The following FNBP1L variants were observed in gnomAD, a reference collection of about 807,000 sequenced individuals.
The protein encoded by FNBP1L is formin-binding protein 1-like.
In FNBP1L, 36 loss-of-function variants were observed where a neutral mutation model predicts 91.2. The ratio of observed to expected loss-of-function variants is 0.39; its 90% confidence interval spans 0.30 to 0.52. The LOEUF is 0.52. FNBP1L is among the 20% of genes least tolerant of loss of function. The pLI is 0.66. For missense variants in FNBP1L, 571 were observed against 732.1 expected (o/e 0.78, Z 2.54); for synonymous variants, 242 against 237.0 (o/e 1.02, Z -0.19).
At chr1:93,514,181 A>T (rs1670978951) in intron 2 of FNBP1L, among the ~76,000 whole-genome samples, 1 of 152,250 alleles carries the variant, frequency 6.6e-6, no homozygotes, top group African/African-American at 2.4e-5. Flanking sequence ...TTCAAAGGGA[A>T]TAAAATACCT....
At chr1:93,477,987 A>G (rs1277796365) in intron 1 of FNBP1L, among the ~76,000 whole-genome samples, 3 of 152,220 alleles carry the variant, frequency 2.0e-5, no homozygotes, top group Non-Finnish European at 2.9e-5. Context: ...TATTTTTTAA[A>G]ATGTCTGGAA....
rs770017151 is a variant in FNBP1L, at chr1:93,448,200, C to G, written c.-82C>G. The G allele has an allele frequency of 1.0e-4, 150 of 1,498,408 alleles. No homozygotes were observed. The highest frequency in any genetic ancestry group is 1.2e-4 in the Non-Finnish European group (133 of 1,117,876). 92.8% of individuals were successfully genotyped at this position (1,498,408 alleles called of 1,614,324 possible). The stretch of plus-strand genomic sequence containing the variant: ...ACCCGCTGAGCTGCTAGCCCGCCGG[C>G]CAGCGAGTGAGAGGTCGGACAGACT... On this transcript the variant is annotated 5_prime_UTR_variant, in exon 1 of 17. Coordinates refer to ENST00000271234, the MANE Select transcript of FNBP1L (RefSeq NM_001164473.3).
At position 93,532,952 on chromosome 1, in the gene FNBP1L, A is replaced by T. The variant is rs374671121; in HGVS notation, c.670A>T (p.Ile224Phe). 28 of 1,611,692 alleles carry T rather than the reference A, an allele frequency of 1.7e-5. No individual in the cohort carries two copies. The highest frequency in any genetic ancestry group is 2.1e-5 in the Non-Finnish European group (25 of 1,178,654). The change falls in exon 8 of 17, where the codon ATT (isoleucine) becomes TTT (phenylalanine). Residue 224 changes from isoleucine (I) to phenylalanine (F), a missense_variant. Ile to Phe is a conservative substitution (Grantham distance 21). Transcript: ENST00000271234. ...ACAAGAAATGGACGAACGAAGGACT[A>T]TTAAACTCAGTGAGTGTTACAGAGG... ...QLQEMDERRT[I>F]KLSECYRGFA... is the part of the protein sequence containing the mutation.
intron 1 of FNBP1L, among the ~76,000 whole-genome samples, chr1:93,456,260 T>A (rs1323528446): frequency 6.6e-6 from 1 of 152,216 alleles, no homozygotes; most frequent in African/African-American, 2.4e-5. Flanking sequence ...AATTGGGGCA[T>A]TTTTTCCTTA....
In FNBP1L at chr1:93,529,742, G is replaced by A. The variant is rs1001627887; in HGVS notation, c.496G>A (p.Ala166Thr). The A allele has an allele frequency of 4.0e-6, 6 of 1,516,254 alleles. No homozygotes were observed. The highest frequency in any genetic ancestry group is 4.8e-5 in the Admixed American group (2 of 41,498). 93.9% of individuals were successfully genotyped at this position (1,516,254 alleles called of 1,614,324 possible). A position where few individuals can be genotyped will look rare whatever the true frequency, so the allele number is the denominator to read the frequency against. ...GGATAATGATACTAATGCAACCAAGGCAGATGTTGAAAAGGTAAGAAATAC... is the reference window on the plus strand; with the variant it reads ...GGATAATGATACTAATGCAACCAAGACAGATGTTGAAAAGGTAAGAAATAC... ...RLDNDTNATKADVEKAKQQLN... is the reference protein window; with the variant it reads ...RLDNDTNATKTDVEKAKQQLN... The change falls in exon 6 of 17, where the codon GCA becomes ACA. Residue 166 changes from alanine to threonine, a missense_variant. Ala to Thr is a moderately conservative substitution (Grantham distance 58, BLOSUM62 0). Around this residue, in one of 5 missense-constraint regions of FNBP1L, gnomAD observed 220 missense variants for 313.6 expected, o/e 0.70. Coordinates refer to ENST00000271234, the MANE Select transcript of FNBP1L (RefSeq NM_001164473.3).
chr1:93,553,438 A>G lies in FNBP1L; in HGVS notation c.*1022A>G, dbSNP rs1400048658. On this transcript the variant is annotated 3_prime_UTR_variant, in exon 17 of 17. Coordinates refer to ENST00000271234, the MANE Select transcript of FNBP1L (RefSeq NM_001164473.3). ...TGTAGCCTCGGTAGGTGGCTATTAGAGCTCTACCATATACAGTGGTGCATC... is the reference window on the plus strand; with the variant it reads ...TGTAGCCTCGGTAGGTGGCTATTAGGGCTCTACCATATACAGTGGTGCATC... 4 of 152,660 alleles carry G rather than the reference A, an allele frequency of 2.6e-5. No homozygotes were observed. The highest frequency in any genetic ancestry group is 4.4e-5 in the Non-Finnish European group (3 of 68,052). The allele number at this position is 152,660 out of a possible 1,614,324, so 9.5% of individuals were successfully genotyped here.
At chr1:93,536,311 C>T (rs774487530) in intron 9 of FNBP1L, 21 bp from the exon 10 acceptor site, 1 of 1,424,058 alleles carries the variant, frequency 7.0e-7, no homozygotes, top group South Asian at 1.6e-5. Flanking sequence ...TTATTGATTC[C>T]TTTCTTTATT....
At chr1:93,549,045 G>A (rs1365247355) in intron 14 of FNBP1L, among the ~76,000 whole-genome samples, 1 of 152,098 alleles carries the variant, frequency 6.6e-6, no homozygotes, top group Non-Finnish European at 1.5e-5. Context: ...AATACTTTGT[G>A]CCTAGAATAT....
At position 93,521,015 on chromosome 1, in the gene FNBP1L, C is replaced by G. The variant is rs547162585; in HGVS notation, c.141-1067C>G. Among the ~76,000 whole-genome samples the G allele has an allele frequency of 2.0e-5, 3 of 152,000 alleles. No homozygotes were observed. In the South Asian group the frequency reaches 6.3e-4, roughly 32 times the overall value. The stretch of plus-strand genomic sequence containing the variant: ...TGAGATCGCCCCACTGCACTCCAGC[C>G]TGGGCGACACAGTGAGACTCCATCT... On this transcript the variant is annotated intron_variant, in intron 2 of 16. Coordinates refer to ENST00000271234, the MANE Select transcript of FNBP1L (RefSeq NM_001164473.3).
chr1:93,479,793 G>A (rs1279890455), intron 1 of FNBP1L, among the ~76,000 whole-genome samples: 1 of 152,092 alleles, frequency 6.6e-6, no homozygotes, highest in Non-Finnish European at 1.5e-5. Context: ...CCTGAAAATC[G>A]CTGTTATTCT....
intron 1 of FNBP1L, among the ~76,000 whole-genome samples, chr1:93,479,354 T>C: frequency 6.6e-6 from 1 of 152,108 alleles, no homozygotes; most frequent in South Asian, 2.1e-4. Flanking sequence ...AGGGCAAAAT[T>C]AGAATTACTG....
intron 1 of FNBP1L, among the ~76,000 whole-genome samples, chr1:93,453,234 A>C (rs6699020): frequency 6.6e-6 from 1 of 152,232 alleles, no homozygotes; most frequent in Non-Finnish European, 1.5e-5. Context: ...ATTGTATTAC[A>C]GACGTTATTG....
In FNBP1L at chr1:93,533,073, G is replaced by A. The variant is rs1671736516; in HGVS notation, c.786+5G>A. On this transcript the variant is annotated splice_donor_5th_base_variant and intron_variant, in intron 8 of 16. Coordinates refer to ENST00000271234, the MANE Select transcript of FNBP1L (RefSeq NM_001164473.3). ...AAATCAGTTGATGAAAGAAGAGTAA[G>A]TGCTAAATAATTATCTTTGAATGCA... The A allele has an allele frequency of 1.3e-6, 2 of 1,572,158 alleles. No homozygotes were observed. The highest frequency in any genetic ancestry group is 1.7e-6 in the Non-Finnish European group (2 of 1,154,316).
chr1:93,493,188 C>T (rs1332580616), intron 1 of FNBP1L, among the ~76,000 whole-genome samples: 1 of 152,096 alleles, frequency 6.6e-6, no homozygotes, highest in African/African-American at 2.4e-5. Flanking sequence ...CATTTAAGCT[C>T]AGGAGGTCGA....
At chr1:93,533,295 C>G (rs182219744) in intron 8 of FNBP1L, among the ~76,000 whole-genome samples, 14 of 151,892 alleles carry the variant, frequency 9.2e-5, no homozygotes, top group African/African-American at 2.2e-4. Flanking sequence ...ACTCTCTTCT[C>G]CCACTAAGTT....
intron 2 of FNBP1L, among the ~76,000 whole-genome samples, chr1:93,510,868 A>T (rs776857599): frequency 1.3e-4 from 20 of 152,174 alleles, no homozygotes; most frequent in Non-Finnish European, 2.6e-4. Flanking sequence ...ATGGAAGATG[A>T]AATGAATGAA....
chr1:93,476,360 C>A (rs1324665645), intron 1 of FNBP1L, among the ~76,000 whole-genome samples: 2 of 152,098 alleles, frequency 1.3e-5, no homozygotes, highest in African/African-American at 2.4e-5. Flanking sequence ...AGTAATTACG[C>A]CTACTCTCAA....
At chr1:93,528,076 A>T (rs938935745) in intron 5 of FNBP1L, among the ~76,000 whole-genome samples, 1 of 152,140 alleles carries the variant, frequency 6.6e-6, no homozygotes, top group Non-Finnish European at 1.5e-5. Flanking sequence ...GAAAATTAGG[A>T]GACTCATCCA....
intron 11 of FNBP1L, 21 bp from the exon 12 acceptor site, chr1:93,544,086 T>TGATTTA: frequency 6.5e-7 from 1 of 1,540,326 alleles, no homozygotes; most frequent in Non-Finnish European, 8.8e-7. Context: ...TCTATTATAA[T>TGATTTA]GATTTAGATT....
Sources: allele counts gnomAD v4.1 joint callset (sites outside exome capture counted in the v4.1 genomes callset), GRCh38; gene constraint gnomAD v4.1.1; regional missense constraint gnomAD v4.1.1; transcripts MANE v1.5; gene names NCBI Gene and HGNC (gene_info 2026-07-23, HGNC 2026-07-21).